Variants in VKORC1L1 observed in about 807,000 individuals in gnomAD.
VKORC1L1 encodes the protein vitamin K epoxide reductase complex subunit 1-like protein 1.
VKORC1L1 carries 2 observed loss-of-function variants against 18.9 expected under a neutral mutation model. That is an observed-to-expected ratio of 0.11 (90% CI 0.04 to 0.33). The LOEUF is 0.33. VKORC1L1 is among the 10% of genes least tolerant of loss of function. The probability of loss-of-function intolerance (pLI) is 1.00; values close to 1 mark genes in which losing one functional copy is unlikely to be tolerated. For synonymous variants in VKORC1L1, 96 were observed against 100.0 expected (o/e 0.96, Z 0.24); for missense variants, 123 against 224.1 (o/e 0.55, Z 2.88).
chr7:65,949,141 C>T (rs2115738056), intron 2 of VKORC1L1, among the ~76,000 whole-genome samples: 1 of 152,148 alleles, frequency 6.6e-6, no homozygotes, highest in South Asian at 2.1e-4. Flanking sequence ...TTCATAATCC[C>T]ATTACCTTTA....
rs1230082728 is a variant in VKORC1L1 at position 65,873,526 on chromosome 7, TG to T, written c.159del (p.Trp55GlyfsTer2). The T allele has an allele frequency of 1.9e-6, 3 of 1,582,354 alleles. No homozygotes were observed. Among genetic ancestry groups the T allele is most frequent in the East Asian group, 2.3e-5 (1 of 42,846 alleles). The part of the protein sequence containing the change: ...RDPEHRALCD[L>X]GPWVKCSAAL... ...CCCGAGCACCGGGCCCTCTGCGACC[TG>T]GGGCCCTGGGTGAAGTGCTCCGCCG... is the stretch of plus-strand genomic sequence containing the variant. On this transcript the variant is annotated frameshift_variant, in exon 1 of 3. Coordinates refer to ENST00000360768, the MANE Select transcript of VKORC1L1 (RefSeq NM_173517.6). LOFTEE classifies it high-confidence loss of function.
chr7:65,955,504 G>A lies in VKORC1L1; in HGVS notation c.*1204G>A, dbSNP rs1790281966. 6.6e-6 allele frequency: 1 copy of A among 152,276 alleles called. No individual in the cohort carries two copies. Among genetic ancestry groups the A allele is most frequent in the African/African-American group, 2.4e-5 (1 of 41,464 alleles). 9.4% of individuals were successfully genotyped at this position (152,276 alleles called of 1,614,324 possible). A position where few individuals can be genotyped will look rare whatever the true frequency, so the allele number is the denominator to read the frequency against. ...GGCTAAATCTGCTCATGTCGCCACT[G>A]CTCTCATAATGACACACATGCAGTA... On this transcript the variant is annotated 3_prime_UTR_variant, in exon 3 of 3. Transcript: ENST00000360768.
rs1790318817 is a variant in VKORC1L1, at chr7:65,957,563, T to C, written c.*3263T>C. 2 of 151,606 alleles carry C rather than the reference T, an allele frequency of 1.3e-5. No homozygotes were observed. Among genetic ancestry groups the C allele is most frequent in the Non-Finnish European group, 2.9e-5 (2 of 68,098 alleles). 9.4% of individuals were successfully genotyped at this position (151,606 alleles called of 1,614,324 possible). Reference sequence around the variant, plus strand: ...AAAACTGTTTGCTGGCTGGGCATGGTGGCTCACACCTGTAATCCCAGCACT... The same window carrying C: ...AAAACTGTTTGCTGGCTGGGCATGGCGGCTCACACCTGTAATCCCAGCACT... On this transcript the variant is annotated 3_prime_UTR_variant, in exon 3 of 3. Coordinates refer to ENST00000360768, the MANE Select transcript of VKORC1L1 (RefSeq NM_173517.6).
chr7:65,903,247 A>G (rs1789349221), intron 1 of VKORC1L1, among the ~76,000 whole-genome samples: 1 of 150,190 alleles, frequency 6.7e-6, no homozygotes, highest in South Asian at 2.1e-4. Flanking sequence ...GCTCACTGCA[A>G]CCTCTGCCTC....
chr7:65,869,979 TG>T (rs983138953), upstream of VKORC1L1, among the ~76,000 whole-genome samples: 2 of 147,118 alleles, frequency 1.4e-5, no homozygotes, highest in African/African-American at 5.0e-5. Flanking sequence ...TAAAAGCTTT[TG>T]TTTTTTTTTT....
chr7:65,867,624 G>C, the VKORC1L1 span, among the ~76,000 whole-genome samples: 1 of 152,056 alleles, frequency 6.6e-6, no homozygotes, highest in Non-Finnish European at 1.5e-5. Flanking sequence ...TGGGACTGTT[G>C]ATTGGAACAT....
intron 1 of VKORC1L1, among the ~76,000 whole-genome samples, chr7:65,927,060 G>A (rs952551457): frequency 6.6e-6 from 1 of 152,144 alleles, no homozygotes; most frequent in African/African-American, 2.4e-5. Context: ...GCTGAGAAGG[G>A]CAGATCACTT....
chr7:65,903,693 G>C (rs975137741), intron 1 of VKORC1L1, among the ~76,000 whole-genome samples: 3 of 151,314 alleles, frequency 2.0e-5, no homozygotes, highest in Non-Finnish European at 4.4e-5. Context: ...GATTGCTTGA[G>C]CCTGGGAGGC....
At chr7:65,910,408 T>G (rs1789484020) in intron 1 of VKORC1L1, among the ~76,000 whole-genome samples, 1 of 152,200 alleles carries the variant, frequency 6.6e-6, no homozygotes, top group Non-Finnish European at 1.5e-5. Context: ...TTCTTTCTGG[T>G]GCAAGCTGCT....
upstream of VKORC1L1, among the ~76,000 whole-genome samples, chr7:65,870,353 A>G (rs1274574400): frequency 6.6e-6 from 1 of 151,866 alleles, no homozygotes; most frequent in Non-Finnish European, 1.5e-5. Flanking sequence ...TCACTTGAAC[A>G]TGGGAGGTGG....
chr7:65,899,427 GTGC>G (rs1789272354), intron 1 of VKORC1L1, among the ~76,000 whole-genome samples: 1 of 152,128 alleles, frequency 6.6e-6, no homozygotes, highest in South Asian at 2.1e-4. Context: ...TAGCTTTTTA[GTGC>G]TGCTTTGAGA....
At chr7:65,932,558 T>A (rs1789875827) in intron 1 of VKORC1L1, among the ~76,000 whole-genome samples, 2 of 152,256 alleles carry the variant, frequency 1.3e-5, no homozygotes, top group African/African-American at 4.8e-5. Flanking sequence ...CAAAATTTGT[T>A]ATTTCCTTGA....
At chr7:65,869,905 T>A (rs527612188), upstream of VKORC1L1, among the ~76,000 whole-genome samples, 13 of 151,726 alleles carry the variant, frequency 8.6e-5, no homozygotes, top group Non-Finnish European at 1.9e-4. Context: ...TTCTCCCACA[T>A]TGGCCTCCCA....
At chr7:65,900,622 GTGAAACCCCATCTC>G (rs1457905464) in intron 1 of VKORC1L1, among the ~76,000 whole-genome samples, 19 of 152,066 alleles carry the variant, frequency 1.2e-4, no homozygotes, top group Non-Finnish European at 4.4e-5. Flanking sequence ...GGCCAACGAG[GTGAAACCCCATCTC>G]TACTAAAAAT....
intron 1 of VKORC1L1, among the ~76,000 whole-genome samples, chr7:65,909,859 A>G (rs1323971188): frequency 6.6e-6 from 1 of 152,112 alleles, no homozygotes; most frequent in East Asian, 1.9e-4. Context: ...CTGGGATTAC[A>G]GGCATGTGCC....
chr7:65,922,361 A>T (rs1456256207), intron 1 of VKORC1L1, among the ~76,000 whole-genome samples: 1 of 150,916 alleles, frequency 6.6e-6, no homozygotes, highest in Admixed American at 6.6e-5. Context: ...GCTGACCGCA[A>T]CCTCTGCCTC....
intron 1 of VKORC1L1, among the ~76,000 whole-genome samples, chr7:65,879,050 CT>C (rs143436620): frequency 6.6e-6 from 1 of 152,192 alleles, no homozygotes; most frequent in African/African-American, 2.4e-5. Context: ...CGCTGTGAAA[CT>C]TTTCAGAGCC....
chr7:65,936,766 C>T (rs1037154444), intron 1 of VKORC1L1, among the ~76,000 whole-genome samples: 1 of 152,152 alleles, frequency 6.6e-6, no homozygotes, highest in African/African-American at 2.4e-5. Context: ...CCCAGGCACC[C>T]CTTTCGCTGT....
chr7:65,882,667 A>G (rs1788947827), intron 1 of VKORC1L1, among the ~76,000 whole-genome samples: 1 of 152,116 alleles, frequency 6.6e-6, no homozygotes, highest in Non-Finnish European at 1.5e-5. Context: ...CTTTATGTTG[A>G]TATTTTGAAA....
Sources: gnomAD v4.1 joint callset for allele counts (sites outside exome capture counted in the v4.1 genomes callset) on GRCh38, gnomAD v4.1.1 for gene constraint, MANE v1.5 for transcripts, NCBI Gene and HGNC (gene_info 2026-07-23, HGNC 2026-07-21) for gene names.